The following RGS6 variants were observed in gnomAD, a reference collection of about 807,000 sequenced individuals.
RGS6 encodes regulator of G protein signaling 6.
RGS6 carries 30 observed loss-of-function variants against 78.5 expected under a neutral mutation model. The ratio of observed to expected loss-of-function variants is 0.38; its 90% CI spans 0.29 to 0.52. The LOEUF is 0.52. Ranked by LOEUF, RGS6 falls within the 20% of genes least tolerant of loss-of-function variation. The pLI, the probability that RGS6 is intolerant of heterozygous loss-of-function variation, is 0.85. For missense variants in RGS6, 495 were observed against 609.7 expected, an observed-to-expected ratio of 0.81 and a Z score of 1.98; for synonymous variants, 206 against 206.0, an observed-to-expected ratio of 1.00 and a Z score of 0.00.
At chr14:72,169,391 T>C (rs2096977919) in intron 2 of RGS6, among the ~76,000 whole-genome samples, 1 of 152,092 alleles carries the variant, frequency 6.6e-6, no homozygotes, top group South Asian at 2.1e-4. Context: ...TTTTAGAGAG[T>C]CCCTTATGAC....
chr14:72,413,939 C>A (rs1340708285), intron 3 of RGS6, among the ~76,000 whole-genome samples: 1 of 152,234 alleles, frequency 6.6e-6, no homozygotes, highest in African/African-American at 2.4e-5. Flanking sequence ...GAGAGATCAG[C>A]TGTTAGTCTG....
chr14:71,986,428 G>A (rs140143504), intron 2 of RGS6, among the ~76,000 whole-genome samples: 9 of 152,306 alleles, frequency 5.9e-5, no homozygotes, highest in African/African-American at 1.9e-4. Flanking sequence ...ACAAGGCCAG[G>A]CACAGTGGTG....
At chr14:72,617,230 C>T in the RGS6 span, among the ~76,000 whole-genome samples, 1 of 152,160 alleles carries the variant, frequency 6.6e-6, no homozygotes, top group Non-Finnish European at 1.5e-5. Flanking sequence ...TTTGGGGTTT[C>T]GGACTTGCTT....
intron 2 of RGS6, among the ~76,000 whole-genome samples, chr14:72,174,059 C>T (rs1339714988): frequency 6.6e-6 from 1 of 152,186 alleles, no homozygotes; most frequent in Non-Finnish European, 1.5e-5. Context: ...GGAGAAGCAG[C>T]TTCAGCCCCT....
At chr14:72,293,156 C>T (rs1471826042) in intron 2 of RGS6, among the ~76,000 whole-genome samples, 1 of 152,144 alleles carries the variant, frequency 6.6e-6, no homozygotes, top group East Asian at 1.9e-4. Flanking sequence ...AATCTGCGTC[C>T]AGTTATATCC....
At chr14:72,303,692 A>G (rs1287494646) in intron 2 of RGS6, among the ~76,000 whole-genome samples, 1 of 152,106 alleles carries the variant, frequency 6.6e-6, no homozygotes, top group Non-Finnish European at 1.5e-5. Flanking sequence ...TCCTCAATCA[A>G]CTAATTTCCT....
chr14:72,370,293 A>C (rs2152831560), intron 3 of RGS6, among the ~76,000 whole-genome samples: 1 of 152,306 alleles, frequency 6.6e-6, no homozygotes, highest in Admixed American at 6.5e-5. Context: ...ACATTTGGTA[A>C]TCCAAGAGAG....
At chr14:72,236,223 C>T (rs925405571) in intron 2 of RGS6, among the ~76,000 whole-genome samples, 3 of 152,188 alleles carry the variant, frequency 2.0e-5, no homozygotes, top group East Asian at 1.9e-4. Flanking sequence ...GCACCCATCA[C>T]GTACATTTTA....
chr14:72,045,752 G>A (rs570723074), intron 2 of RGS6, among the ~76,000 whole-genome samples: 25 of 151,996 alleles, frequency 1.6e-4, no homozygotes, highest in African/African-American at 6.0e-4. Context: ...GCTAGAGGGG[G>A]CCAGAGTAGG....
intron 16 of RGS6, among the ~76,000 whole-genome samples, chr14:72,539,107 C>CCCCT (rs2097287744): frequency 6.6e-6 from 1 of 152,164 alleles, no homozygotes; most frequent in Non-Finnish European, 1.5e-5. Flanking sequence ...TCTCCCGGAA[C>CCCCT]CCCTGCAGCT....
chr14:72,420,739 G>C (rs2094130578), intron 3 of RGS6, among the ~76,000 whole-genome samples: 1 of 152,072 alleles, frequency 6.6e-6, no homozygotes, highest in Admixed American at 6.6e-5. Flanking sequence ...TTTGCCTCTG[G>C]AAAATGCCGT....
intron 2 of RGS6, among the ~76,000 whole-genome samples, chr14:72,050,900 C>G (rs1459047427): frequency 1.3e-5 from 2 of 152,238 alleles, no homozygotes; most frequent in Non-Finnish European, 2.9e-5. Flanking sequence ...ACCAATCCCC[C>G]AAGTGAGTAT....
chr14:72,611,640 C>T, the RGS6 span, among the ~76,000 whole-genome samples: 1 of 152,158 alleles, frequency 6.6e-6, no homozygotes, highest in Non-Finnish European at 1.5e-5. Flanking sequence ...CCACAAGCAG[C>T]TCTGGGGACA....
chr14:71,872,613 A>G, the RGS6 span, among the ~76,000 whole-genome samples: 4 of 152,088 alleles, frequency 2.6e-5, no homozygotes, highest in Non-Finnish European at 5.9e-5. Flanking sequence ...CCAAAACCCA[A>G]TATCAGTAAG....
chr14:72,036,454 G>C (rs1366553759), intron 2 of RGS6, among the ~76,000 whole-genome samples: 1 of 152,058 alleles, frequency 6.6e-6, no homozygotes, highest in Non-Finnish European at 1.5e-5. Context: ...CGGTAGATGT[G>C]CCTGTAACTT....
At chr14:72,316,038 C>G (rs2070093611) in intron 2 of RGS6, among the ~76,000 whole-genome samples, 1 of 152,200 alleles carries the variant, frequency 6.6e-6, no homozygotes, top group African/African-American at 2.4e-5. Context: ...GAACATTTCT[C>G]TCTCCCCAAG....
At chr14:71,875,235 G>T in the RGS6 span, among the ~76,000 whole-genome samples, 1 of 152,072 alleles carries the variant, frequency 6.6e-6, no homozygotes, top group Non-Finnish European at 1.5e-5. Context: ...GCTCCTCTTT[G>T]TACCTCTGGT....
intron 2 of RGS6, among the ~76,000 whole-genome samples, chr14:71,979,704 T>C (rs1198998416): frequency 6.6e-6 from 1 of 152,186 alleles, no homozygotes; most frequent in African/African-American, 2.4e-5. Flanking sequence ...AATTTTGGAA[T>C]AGGTGTGATG....
rs145580177 is a variant in RGS6 at position 72,490,064 on chromosome 14, G to A, written c.855-5088G>A. Among the ~76,000 whole-genome samples the A allele has an allele frequency of 3.3e-4, 50 of 152,178 alleles. No individual in the cohort carries two copies. The East Asian group carries it at 6.8e-3, about 21-fold the overall frequency. On this transcript the variant is annotated intron_variant, in intron 12 of 17. Coordinates refer to ENST00000553525, the MANE Select transcript of RGS6 (RefSeq NM_001204424.2). ...CCAGGTTCATTCTGCCTGAGATGTC[G>A]TAAAGCTCTTGATATGGTTTGCCTG... is the stretch of plus-strand genomic sequence containing the variant.
Sources: gnomAD v4.1 joint callset for allele counts (sites outside exome capture counted in the v4.1 genomes callset) on GRCh38, gnomAD v4.1.1 for gene constraint, MANE v1.5 for transcripts, NCBI Gene and HGNC (gene_info 2026-07-23, HGNC 2026-07-21) for gene names.